DNAH9: variants seen among roughly 807,000 people sequenced by gnomAD.
The protein encoded by DNAH9 is dynein axonemal heavy chain 9.
DNAH9 carries 345 observed loss-of-function variants against 471.6 expected under a neutral mutation model. The observed-to-expected ratio is 0.73, with a 90% confidence interval of 0.67 to 0.80. DNAH9 has a LOEUF of 0.80. Among genes scored for constraint, DNAH9 ranks in the 30% least tolerant of loss-of-function variants. DNAH9 has a pLI of 0.00. For synonymous variants in DNAH9, 2,093 were observed against 2,123.6 expected, an observed-to-expected ratio of 0.99 and a Z score of 0.40; for missense variants, 5,407 against 5,609.2, an observed-to-expected ratio of 0.96 and a Z score of 1.15.
At chr17:11,603,053 A>G (rs1311699108) in intron 1 of DNAH9, among the ~76,000 whole-genome samples, 3 of 152,032 alleles carry the variant, frequency 2.0e-5, no homozygotes, top group Non-Finnish European at 4.4e-5. Flanking sequence ...ACTGGCCTCT[A>G]CCTCACTATG....
chr17:11,797,059 A>G (rs951530795), intron 42 of DNAH9, among the ~76,000 whole-genome samples: 1 of 152,146 alleles, frequency 6.6e-6, no homozygotes, highest in African/African-American at 2.4e-5. Flanking sequence ...TAAACCAGTC[A>G]CCTGAGGGTG....
chr17:11,912,810 T>G (rs572358931), intron 61 of DNAH9, among the ~76,000 whole-genome samples: 3 of 152,326 alleles, frequency 2.0e-5, no homozygotes, highest in African/African-American at 4.8e-5. Context: ...AGTATCAGAA[T>G]AATGCTAATA....
intron 19 of DNAH9, among the ~76,000 whole-genome samples, chr17:11,684,993 T>G (rs956144993): frequency 3.9e-5 from 6 of 152,234 alleles, no homozygotes; most frequent in African/African-American, 1.4e-4. Context: ...GGATTTAGGC[T>G]TTCATGGAGT....
intron 38 of DNAH9, among the ~76,000 whole-genome samples, chr17:11,778,331 A>AAG: frequency 7.2e-5 from 4 of 55,174 alleles, no homozygotes; most frequent in African/African-American, 3.5e-4. Context: ...CTCCATCTCA[A>AAG]AAAAAAAAAA....
rs1555597642 is a variant in DNAH9 at position 11,798,469 on chromosome 17, G to GAGAC, written c.8420+679_8420+680insCAGA. On this transcript the variant is annotated intron_variant, in intron 43 of 68. Transcript: ENST00000262442. ...AAAAAAAAAAAAAAAGAGAGAGAGAGAGAGAGAGATAGAGGGTTTGTATTC... is the reference window on the plus strand; with the variant it reads ...AAAAAAAAAAAAAAAGAGAGAGAGAGAGACAGAGAGAGATAGAGGGTTTGTATTC... 8.0e-4 allele frequency among the ~76,000 whole-genome samples: 115 copies of GAGAC among 144,084 alleles called. 1 individual carries two copies. Among genetic ancestry groups the GAGAC allele is most frequent in the African/African-American group, 2.8e-3 (108 of 38,604 alleles). 94.5% of individuals were successfully genotyped at this position (144,084 alleles called of 152,430 possible).
intron 37 of DNAH9, 129 bp from the exon 38 acceptor site, chr17:11,768,993 T>C: frequency 1.1e-6 from 1 of 932,038 alleles, no homozygotes; most frequent in Non-Finnish European, 1.7e-6. Context: ...AAGATACTCC[T>C]GACCGGTGCT....
chr17:11,651,063 C>T lies in DNAH9; in HGVS notation c.2098-6C>T. 2 of 1,611,750 alleles carry T rather than the reference C, an allele frequency of 1.2e-6. No homozygotes were observed. Among genetic ancestry groups the T allele is most frequent in the Non-Finnish European group, 1.7e-6 (2 of 1,178,442 alleles). On this transcript the variant is annotated splice_polypyrimidine_tract_variant and splice_region_variant and intron_variant, in intron 12 of 68. Coordinates refer to ENST00000262442, the MANE Select transcript of DNAH9 (RefSeq NM_001372.4). ...GACAGACACTTGTGTTGCTTCTTTT[C>T]TCCAGCTGATTTCAGTGCTGAAAGA...
chr17:11,921,003 T>G (rs181882423), intron 61 of DNAH9, among the ~76,000 whole-genome samples: 90 of 152,126 alleles, frequency 5.9e-4, no homozygotes, highest in Non-Finnish European at 1.0e-3. Flanking sequence ...TAGCCAGTCA[T>G]GGTGGCGGGC....
intron 44 of DNAH9, among the ~76,000 whole-genome samples, chr17:11,808,380 C>A (rs1237308423): frequency 6.6e-6 from 1 of 152,140 alleles, no homozygotes; most frequent in Non-Finnish European, 1.5e-5. Context: ...CTATATACAA[C>A]CTTCAAAGGT....
intron 1 of DNAH9, among the ~76,000 whole-genome samples, chr17:11,603,737 A>G (rs1184825607): frequency 6.6e-6 from 1 of 152,126 alleles, no homozygotes; most frequent in African/African-American, 2.4e-5. Context: ...TTGGTGTCTC[A>G]TTATTTTCCT....
Position 11,768,617 on chromosome 17 carries a change from G to A in DNAH9, c.7335G>A (p.Met2445Ile), listed in dbSNP as rs1181962839. ...CCCAGTTCGAATTTGACCCCGAGAT[G>A]CCCTTGCAGGTGAGTGCAGCTGAGC... is the stretch of plus-strand genomic sequence containing the variant. The part of the protein sequence containing the change: ...LVPQFEFDPE[M>I]PLQACLVHTS... Residue 2445 changes from methionine to isoleucine, a missense_variant, in exon 37 of 69, where the codon ATG becomes ATA. Physicochemically the swap from Met to Ile is conservative, Grantham distance 10. Transcript: ENST00000262442. 6.2e-7 allele frequency: 1 copy of A among 1,613,980 alleles called. No individual in the cohort carries two copies. The highest frequency in any genetic ancestry group is 1.7e-5 in the Admixed American group (1 of 60,014).
At chr17:11,847,595 T>A (rs913519790) in intron 49 of DNAH9, among the ~76,000 whole-genome samples, 2 of 152,152 alleles carry the variant, frequency 1.3e-5, no homozygotes, top group Admixed American at 6.5e-5. Flanking sequence ...TTGGTACCAG[T>A]GCCATAAACA....
intron 35 of DNAH9, among the ~76,000 whole-genome samples, chr17:11,761,927 C>T (rs1193334484): frequency 2.0e-5 from 3 of 152,134 alleles, no homozygotes; most frequent in South Asian, 2.1e-4. Context: ...AAACCCTCTG[C>T]GAGTCCCACC....
chr17:11,934,218 C>G, intron 65 of DNAH9, 147 bp downstream of exon 65: 1 of 790,954 alleles, frequency 1.3e-6, no homozygotes, highest in South Asian at 1.9e-5. Context: ...AGGGCTTAGA[C>G]AGCTGAGCTC....
chr17:11,627,949 T>A (rs2072998930), intron 6 of DNAH9, among the ~76,000 whole-genome samples: 1 of 152,068 alleles, frequency 6.6e-6, no homozygotes, highest in Non-Finnish European at 1.5e-5. Flanking sequence ...GCCTGATGGG[T>A]CACCCATAGC....
At chr17:11,854,760 T>A (rs993613567) in intron 50 of DNAH9, among the ~76,000 whole-genome samples, 2 of 152,178 alleles carry the variant, frequency 1.3e-5, no homozygotes, top group African/African-American at 4.8e-5. Flanking sequence ...TTTTTACCTG[T>A]TCCCTTCAGT....
intron 19 of DNAH9, among the ~76,000 whole-genome samples, chr17:11,683,917 G>A (rs564646378): frequency 2.0e-5 from 3 of 152,312 alleles, no homozygotes; most frequent in South Asian, 4.1e-4. Flanking sequence ...TCACTAAAGC[G>A]AATCTTAGTG....
At chr17:11,758,893 C>G (rs577402819) in intron 35 of DNAH9, among the ~76,000 whole-genome samples, 2 of 152,126 alleles carry the variant, frequency 1.3e-5, no homozygotes, top group African/African-American at 2.4e-5. Context: ...TTTGTATAAG[C>G]CTTTGAAAGG....
At position 11,669,641 on chromosome 17, in the gene DNAH9, C is replaced by A. The variant is rs200139406; in HGVS notation, c.3200C>A (p.Thr1067Lys). The change falls in exon 17 of 69, where the codon ACG (threonine) becomes AAG (lysine). Residue 1067 changes from threonine (T) to lysine (K), a missense_variant. Coordinates refer to ENST00000262442, the MANE Select transcript of DNAH9 (RefSeq NM_001372.4). ...AAAGTGCAAATCGACTCCTATGAAACGCTCTATGAAGAGGTGTGCAGGCTG... is the reference window on the plus strand; with the variant it reads ...AAAGTGCAAATCGACTCCTATGAAAAGCTCTATGAAGAGGTGTGCAGGCTG... ...QFKVQIDSYE[T>K]LYEEVCRLEP... The A allele has an allele frequency of 6.2e-7, 1 of 1,614,158 alleles. No homozygotes were observed. The highest frequency in any genetic ancestry group is 1.3e-5 in the African/African-American group (1 of 75,018).
Sources: gnomAD v4.1 joint callset for allele counts (sites outside exome capture counted in the v4.1 genomes callset) on GRCh38, gnomAD v4.1.1 for gene constraint, MANE v1.5 for transcripts, NCBI Gene and HGNC (gene_info 2026-07-23, HGNC 2026-07-21) for gene names.